Variants in GPM6A observed in about 807,000 individuals in gnomAD.
The protein encoded by GPM6A is neuronal membrane glycoprotein M6-a.
In GPM6A, 7 loss-of-function variants were observed where a neutral mutation model predicts 32.1. That is an observed-to-expected ratio of 0.22 (90% confidence interval 0.12 to 0.41). The LOEUF (loss-of-function observed/expected upper bound fraction) is 0.41, where lower values mean the gene tolerates loss of function less well. GPM6A is among the 10% of genes least tolerant of loss of function. The pLI, the probability that GPM6A is intolerant of heterozygous loss-of-function variation, is 1.00. For missense variants in GPM6A, 235 were observed against 347.2 expected (o/e 0.68, Z 2.57); for synonymous variants, 130 against 123.4 (o/e 1.05, Z -0.35).
chr4:175,786,456 A>T (rs1488783658), intron 1 of GPM6A, among the ~76,000 whole-genome samples: 1 of 151,486 alleles, frequency 6.6e-6, no homozygotes, highest in East Asian at 2.0e-4. Context: ...CTCTCTACTT[A>T]TTTCAGTCCC....
chr4:175,637,094 CATATATAATATATTATATGTG>C (rs1740677568), intron 6 of GPM6A, among the ~76,000 whole-genome samples: 1 of 115,640 alleles, frequency 8.6e-6, no homozygotes, highest in Non-Finnish European at 1.8e-5. Flanking sequence ...TATAATATAT[CATATATAATATATTATATGTG>C]ATATATAATA....
chr4:175,857,564 A>G (rs1474295922), intron 1 of GPM6A, among the ~76,000 whole-genome samples: 1 of 152,180 alleles, frequency 6.6e-6, no homozygotes, highest in African/African-American at 2.4e-5. Context: ...GCAAAATGAC[A>G]GATGTAAACC....
At chr4:175,725,606 C>T (rs1746364818) in intron 1 of GPM6A, among the ~76,000 whole-genome samples, 1 of 151,972 alleles carries the variant, frequency 6.6e-6, no homozygotes, top group African/African-American at 2.4e-5. Flanking sequence ...TTTCTTATGC[C>T]AAATGAGGAG....
Position 175,633,398 on chromosome 4 carries a change from G to C in GPM6A, c.*1507C>G, listed in dbSNP as rs1740409141. Reference sequence around the variant, plus strand: ...TAGTAGTACCCCCTACCTACTACAAGAACTTGTAAAATTACTGATGATGCA... The same window carrying C: ...TAGTAGTACCCCCTACCTACTACAACAACTTGTAAAATTACTGATGATGCA... On this transcript the variant is annotated 3_prime_UTR_variant, in exon 7 of 7. Transcript: ENST00000393658. The C allele has an allele frequency of 6.6e-6, 1 of 152,352 alleles. No individual in the cohort carries two copies. Among genetic ancestry groups the C allele is most frequent in the Non-Finnish European group, 1.5e-5 (1 of 67,902 alleles). The allele number at this position is 152,352 out of a possible 1,614,324, so 9.4% of individuals were successfully genotyped here.
chr4:175,640,880 C>A (rs1741100512), intron 4 of GPM6A, 51 bp from the exon 5 acceptor site: 5 of 1,172,622 alleles, frequency 4.3e-6, no homozygotes, highest in Admixed American at 3.7e-5. Flanking sequence ...TTTGAAGAGC[C>A]AAGAGAGAAA....
intron 1 of GPM6A, among the ~76,000 whole-genome samples, chr4:175,718,443 C>A (rs1380142380): frequency 6.6e-6 from 1 of 151,844 alleles, no homozygotes; most frequent in African/African-American, 2.4e-5. Flanking sequence ...TGGTGAAACC[C>A]CATCTCTACT....
rs149254307 is a variant in GPM6A at position 175,779,362 on chromosome 4, C to T, written c.37+32829G>A. 2.1e-3 allele frequency among the ~76,000 whole-genome samples: 318 copies of T among 152,274 alleles called. 2 individuals carry two copies. The highest frequency in any genetic ancestry group is 7.2e-3 in the African/African-American group (298 of 41,560). ...TTTATAATGTATACTAGACATCCTC[C>T]TCAATCAACGCAGATTTACGTCATT... On this transcript the variant is annotated intron_variant, in intron 1 of 6. Transcript: ENST00000393658.
Position 175,690,218 on chromosome 4 carries a change from T to C in GPM6A, c.230+11357A>G, listed in dbSNP as rs138232887. The stretch of plus-strand genomic sequence containing the variant: ...TCATATTTCGTTCAATTGAAACATA[T>C]GAGACTGCAAGGTGTGGCATCTATG... On this transcript the variant is annotated intron_variant, in intron 2 of 6. Coordinates refer to ENST00000393658, the MANE Select transcript of GPM6A (RefSeq NM_201591.3). Among the ~76,000 whole-genome samples the C allele has an allele frequency of 4.3e-3, 660 of 152,334 alleles. 7 individuals carry two copies. Among genetic ancestry groups the C allele is most frequent in the South Asian group, 7.9e-3 (38 of 4,830 alleles).
At chr4:175,905,140 G>A (rs1364454494) in intron 1 of GPM6A, among the ~76,000 whole-genome samples, 1 of 152,158 alleles carries the variant, frequency 6.6e-6, no homozygotes, top group Non-Finnish European at 1.5e-5. Context: ...AGGAAAACAG[G>A]ATTAGGCTTT....
At position 175,812,244 on chromosome 4, in the gene GPM6A, T is replaced by C. The variant is rs1173727898; in HGVS notation, c.-17A>G. 1 of 1,562,818 alleles carries C rather than the reference T, an allele frequency of 6.4e-7. No homozygotes were observed. The highest frequency in any genetic ancestry group is 1.8e-5 in the Admixed American group (1 of 54,714). Reference sequence around the variant, plus strand: ...CTCTTCCATGGCTACCTTTCTTCAGTAGAATCTGGTACACGGAATTAATCA... The same window carrying C: ...CTCTTCCATGGCTACCTTTCTTCAGCAGAATCTGGTACACGGAATTAATCA... On this transcript the variant is annotated 5_prime_UTR_variant, in exon 1 of 7. Transcript: ENST00000393658.
At chr4:175,769,172 C>A (rs1380322754) in intron 1 of GPM6A, among the ~76,000 whole-genome samples, 1 of 152,080 alleles carries the variant, frequency 6.6e-6, no homozygotes, top group Non-Finnish European at 1.5e-5. Context: ...AATAAAATGT[C>A]AATTGAAAGG....
chr4:175,801,132 C>T (rs958628892), intron 1 of GPM6A: 3 of 152,054 alleles, frequency 2.0e-5, no homozygotes, highest in African/African-American at 7.2e-5. Flanking sequence ...AATAGTTTGC[C>T]ATTTTTTGCT....
intron 1 of GPM6A, among the ~76,000 whole-genome samples, chr4:175,886,633 A>C (rs1003184477): frequency 6.6e-6 from 1 of 152,030 alleles, no homozygotes; most frequent in Non-Finnish European, 1.5e-5. Flanking sequence ...TTCATATAAT[A>C]AAAAGACAAA....
intron 1 of GPM6A, among the ~76,000 whole-genome samples, chr4:175,823,860 G>T (rs566693361): frequency 6.6e-6 from 1 of 152,302 alleles, no homozygotes; most frequent in South Asian, 2.1e-4. Flanking sequence ...AAAGTGCCTT[G>T]CCCAACACAT....
intron 1 of GPM6A, among the ~76,000 whole-genome samples, chr4:175,921,645 T>G (rs546426264): frequency 2.4e-4 from 36 of 152,318 alleles, no homozygotes; most frequent in Middle Eastern, 3.4e-3. Flanking sequence ...TTCAGTAAAT[T>G]TAATGCATTT....
chr4:175,870,202 T>C (rs1374980336), intron 1 of GPM6A, among the ~76,000 whole-genome samples: 1 of 152,234 alleles, frequency 6.6e-6, no homozygotes, highest in Non-Finnish European at 1.5e-5. Context: ...GAATACAGCA[T>C]CTAAACTTCA....
intron 1 of GPM6A, among the ~76,000 whole-genome samples, chr4:175,853,747 G>A (rs1479797481): frequency 6.6e-6 from 1 of 152,088 alleles, no homozygotes. Context: ...TTATTTCTAA[G>A]TAGTACTTTT....
chr4:175,663,560 G>A (rs936560853), intron 3 of GPM6A, among the ~76,000 whole-genome samples: 6 of 152,136 alleles, frequency 3.9e-5, no homozygotes, highest in Admixed American at 3.9e-4. Flanking sequence ...GTGAGGTAAT[G>A]CGTTTATCAA....
At chr4:176,001,324 G>A (rs540004790) in intron 1 of GPM6A, among the ~76,000 whole-genome samples, 3 of 152,308 alleles carry the variant, frequency 2.0e-5, no homozygotes, top group Non-Finnish European at 2.9e-5. Context: ...AGAGTAACTC[G>A]GGCTGCGGGC....
Sources: allele counts gnomAD v4.1 joint callset (sites outside exome capture counted in the v4.1 genomes callset), GRCh38; gene constraint gnomAD v4.1.1; transcripts MANE v1.5; gene names NCBI Gene and HGNC (gene_info 2026-07-23, HGNC 2026-07-21).